The following HNRNPUL1 variants were observed in gnomAD, a reference collection of about 807,000 sequenced individuals.
HNRNPUL1 encodes the protein heterogeneous nuclear ribonucleoprotein U like 1.
A neutral mutation model predicts 108.5 loss-of-function variants in HNRNPUL1; 14 were observed. The ratio of observed to expected loss-of-function variants is 0.13; its 90% CI spans 0.09 to 0.20. HNRNPUL1 has a LOEUF of 0.20. Ranked by LOEUF, HNRNPUL1 falls within the 10% of genes least tolerant of loss-of-function variation. HNRNPUL1 has a pLI of 1.00. For missense variants in HNRNPUL1, 804 were observed against 1,168.3 expected, an observed-to-expected ratio of 0.69 and a Z score of 4.55; for synonymous variants, 422 against 445.2, an observed-to-expected ratio of 0.95 and a Z score of 0.66.
chr19:41,291,100 G>A (rs1264894022), intron 7 of HNRNPUL1, among the ~76,000 whole-genome samples: 3 of 152,168 alleles, frequency 2.0e-5, no homozygotes, highest in Non-Finnish European at 2.9e-5. Flanking sequence ...ATAAGTAGTT[G>A]TTACAGAATA....
chr19:41,281,253 A>C lies in HNRNPUL1; in HGVS notation c.977A>C (p.Asn326Thr). ...AACTACGGAGACAAGTTTGCAGAGA[A>C]CGATGTGATTGGCTGCTTTGCGGTG... ...FENYGDKFAE[N>T]DVIGCFADFE... Residue 326 changes from asparagine to threonine, a missense_variant, in exon 7 of 15, where the codon AAC becomes ACC. Coordinates refer to ENST00000392006, the MANE Select transcript of HNRNPUL1 (RefSeq NM_007040.6). The C allele has an allele frequency of 6.2e-7, 1 of 1,613,936 alleles. No individual in the cohort carries two copies. Among genetic ancestry groups the C allele is most frequent in the African/African-American group, 1.3e-5 (1 of 75,042 alleles).
chr19:41,306,290 G>A (rs775137317), intron 14 of HNRNPUL1, among the ~76,000 whole-genome samples, 159 bp from the exon 15 acceptor site: 2 of 152,232 alleles, frequency 1.3e-5, no homozygotes, highest in African/African-American at 2.4e-5. Flanking sequence ...CCTGTGTGGT[G>A]TCAGGTCTTT....
chr19:41,305,733 C>T lies in HNRNPUL1; in HGVS notation c.2320C>T (p.Pro774Ser). 6.2e-7 allele frequency: 1 copy of T among 1,614,154 alleles called. No individual in the cohort carries two copies. The highest frequency in any genetic ancestry group is 8.5e-7 in the Non-Finnish European group (1 of 1,180,004). Residue 774 changes from proline (P) to serine (S), a missense_variant, in exon 14 of 15, where the codon CCA (proline) becomes TCA (serine). Around this residue, in one of 4 missense-constraint regions of HNRNPUL1, gnomAD observed 294 missense variants for 388.3 expected, o/e 0.76. Transcript: ENST00000392006. Reference sequence around the variant, plus strand: ...AGGTTACAGCCAGGGCTACACAGCCCCACCGCCTCCACCTCCACCACCACC... The same window carrying T: ...AGGTTACAGCCAGGGCTACACAGCCTCACCGCCTCCACCTCCACCACCACC... ...QGGYSQGYTAPPPPPPPPPAY... is the reference protein window; with the variant it reads ...QGGYSQGYTASPPPPPPPPAY...
chr19:41,277,373 TAGAAGCTGAAACAC>T (rs1211181156), intron 5 of HNRNPUL1, among the ~76,000 whole-genome samples: 1 of 152,176 alleles, frequency 6.6e-6, no homozygotes, highest in East Asian at 1.9e-4. Flanking sequence ...TTTTTAGAGG[TAGAAGCTGAAACAC>T]AGAGGGTTAT....
intron 10 of HNRNPUL1, among the ~76,000 whole-genome samples, chr19:41,296,206 T>C (rs1334280380): frequency 6.6e-6 from 1 of 152,226 alleles, no homozygotes; most frequent in East Asian, 1.9e-4. Context: ...AGAATGATTA[T>C]AGTCTAGAGT....
intron 10 of HNRNPUL1, among the ~76,000 whole-genome samples, chr19:41,297,838 A>G (rs2036979282): frequency 1.3e-5 from 2 of 152,202 alleles, no homozygotes; most frequent in African/African-American, 4.8e-5. Flanking sequence ...CGCCTGAAAC[A>G]GAAACCCAGG....
chr19:41,293,039 C>T (rs911800693), intron 8 of HNRNPUL1, among the ~76,000 whole-genome samples: 2 of 152,100 alleles, frequency 1.3e-5, no homozygotes, highest in Non-Finnish European at 2.9e-5. Context: ...CCTGGCCCAC[C>T]GAGTGTTCTT....
At chr19:41,305,967 C>A in intron 14 of HNRNPUL1, 100 bp downstream of exon 14, 2 of 826,264 alleles carry the variant, frequency 2.4e-6, no homozygotes, top group Non-Finnish European at 1.9e-6. Context: ...CCTAAAAAGA[C>A]AGCCTGCTGG....
Position 41,305,757 on chromosome 19 carries a change from C to A in HNRNPUL1, c.2344C>A (p.Pro782Thr). 6.2e-7 allele frequency: 1 copy of A among 1,613,996 alleles called. No homozygotes were observed. Among genetic ancestry groups the A allele is most frequent in the Non-Finnish European group, 8.5e-7 (1 of 1,179,876 alleles). Reference protein sequence around the residue: ...TAPPPPPPPPPAYNYGSYGGY... With the variant: ...TAPPPPPPPPTAYNYGSYGGY... ...CCCACCGCCTCCACCTCCACCACCA[C>A]CTGCCTACAACTATGGGAGCTACGG... is the stretch of plus-strand genomic sequence containing the variant. Residue 782 changes from proline (P) to threonine (T), a missense_variant, in exon 14 of 15, where the codon CCT becomes ACT. Physicochemically the swap from Pro to Thr is conservative, Grantham distance 38. Transcript: ENST00000392006.
intron 1 of HNRNPUL1, chr19:41,265,060 A>T: frequency 2.1e-6 from 3 of 1,406,832 alleles, no homozygotes; most frequent in Non-Finnish European, 2.8e-6. Context: ...AGGATTCCGT[A>T]CCGTAGGGAT....
chr19:41,289,594 G>A (rs901086002), intron 7 of HNRNPUL1, among the ~76,000 whole-genome samples: 1 of 152,118 alleles, frequency 6.6e-6, no homozygotes, highest in Admixed American at 6.5e-5. Flanking sequence ...GGCTCTGTTG[G>A]TGGTAGATGG....
intron 3 of HNRNPUL1, 95 bp downstream of exon 3, chr19:41,272,330 C>A: frequency 8.2e-7 from 1 of 1,218,602 alleles, no homozygotes; most frequent in Non-Finnish European, 1.2e-6. Context: ...CCTAGAGGGG[C>A]TGAGTAAAGA....
upstream of HNRNPUL1, among the ~76,000 whole-genome samples, chr19:41,263,599 T>C (rs141053538): frequency 3.3e-4 from 51 of 152,326 alleles, no homozygotes; most frequent in Non-Finnish European, 6.9e-4. Flanking sequence ...TTCGGGACTC[T>C]CTCAACTCAA....
upstream of HNRNPUL1, chr19:41,264,294 T>C: frequency 2.4e-6 from 1 of 416,608 alleles, no homozygotes; most frequent in Non-Finnish European, 4.1e-6. Flanking sequence ...CCGCGCCCGT[T>C]GCCCCACGCA....
intron 1 of HNRNPUL1, 102 bp from the exon 2 acceptor site, chr19:41,268,121 T>C (rs1036421944): frequency 4.5e-6 from 5 of 1,118,414 alleles, no homozygotes; most frequent in Non-Finnish European, 5.2e-6. Flanking sequence ...TTCTTACCAC[T>C]CTTAGTTGAG....
At chr19:41,271,285 G>A (rs2035221742) in intron 2 of HNRNPUL1, among the ~76,000 whole-genome samples, 1 of 152,184 alleles carries the variant, frequency 6.6e-6, no homozygotes, top group East Asian at 1.9e-4. Context: ...TCAGCCACAG[G>A]AGAATATTTT....
At position 41,303,600 on chromosome 19, in the gene HNRNPUL1, C is replaced by T. The variant is rs574128324; in HGVS notation, c.1973-372C>T. Among the ~76,000 whole-genome samples the T allele has an allele frequency of 2.6e-5, 4 of 152,214 alleles. No homozygotes were observed. The East Asian group carries it at 5.8e-4, about 22-fold the overall frequency. Reference sequence around the variant, plus strand: ...AACTCCTGACCTCACGTGGTCCACCCGCCTTAGCCTCCCAGAGTGCTAGGA... The same window carrying T: ...AACTCCTGACCTCACGTGGTCCACCTGCCTTAGCCTCCCAGAGTGCTAGGA... On this transcript the variant is annotated intron_variant, in intron 12 of 14. Coordinates refer to ENST00000392006, the MANE Select transcript of HNRNPUL1 (RefSeq NM_007040.6).
At chr19:41,288,255 A>T (rs2036368522) in intron 7 of HNRNPUL1, among the ~76,000 whole-genome samples, 2 of 137,996 alleles carry the variant, frequency 1.4e-5, no homozygotes, top group African/African-American at 5.4e-5. Context: ...TATTTATTTA[A>T]TTTTTTTGAG....
At chr19:41,272,370 C>T in intron 3 of HNRNPUL1, 135 bp downstream of exon 3, 1 of 886,590 alleles carries the variant, frequency 1.1e-6, no homozygotes, top group East Asian at 2.6e-5. Context: ...CTTCCTGTCC[C>T]TTCCCGTACT....
Sources: gnomAD v4.1 joint callset for allele counts (sites outside exome capture counted in the v4.1 genomes callset) on GRCh38, gnomAD v4.1.1 for gene constraint, gnomAD v4.1.1 regional missense constraint, MANE v1.5 for transcripts, NCBI Gene and HGNC (gene_info 2026-07-23, HGNC 2026-07-21) for gene names.